The following TINAG variants were observed in gnomAD, a reference collection of about 807,000 sequenced individuals.
TINAG encodes tubulointerstitial nephritis antigen.
In TINAG, 83 loss-of-function variants were observed where a neutral mutation model predicts 72.7. The ratio of observed to expected loss-of-function variants is 1.14; its 90% CI spans 0.96 to 1.37. The LOEUF is 1.37. TINAG is among the 40% of genes most tolerant of loss of function. The pLI, the probability that TINAG is intolerant of heterozygous loss-of-function variation, is 0.00. For synonymous variants in TINAG, 234 were observed against 189.9 expected (o/e 1.23, Z -1.91); for missense variants, 685 against 576.6 (o/e 1.19, Z -1.93).
chr6:54,329,090 C>T (rs914973832), intron 4 of TINAG, among the ~76,000 whole-genome samples: 7 of 152,060 alleles, frequency 4.6e-5, no homozygotes, highest in Non-Finnish European at 1.5e-5. Context: ...CCTACCAAGA[C>T]AGGCCAACAT....
chr6:54,341,860 T>C lies in TINAG; in HGVS notation c.625-1366T>C, dbSNP rs530053984. On this transcript the variant is annotated intron_variant, in intron 4 of 10. Transcript: ENST00000259782. ...TAAGAATTTAGAAGCCTGAGTGTAG[T>C]CCTAGGAGCATTTCTTGTTTAGCTG... is the stretch of plus-strand genomic sequence containing the variant. 4.6e-5 allele frequency among the ~76,000 whole-genome samples: 7 copies of C among 151,912 alleles called. No homozygotes were observed. The East Asian group carries it at 1.4e-3, about 29-fold the overall frequency.
intron 4 of TINAG, among the ~76,000 whole-genome samples, chr6:54,340,801 C>T (rs865921858): frequency 2.2e-4 from 34 of 152,042 alleles, no homozygotes; most frequent in Middle Eastern, 3.4e-3. Context: ...CTTATTGAGA[C>T]GGATTCACCA....
chr6:54,319,300 T>G (rs553942444), intron 1 of TINAG, among the ~76,000 whole-genome samples: 2 of 152,200 alleles, frequency 1.3e-5, no homozygotes, highest in Non-Finnish European at 2.9e-5. Context: ...TTTTAGAATC[T>G]CTTTAAATTA....
chr6:54,369,229 C>T (rs1257931157), intron 9 of TINAG, among the ~76,000 whole-genome samples: 8 of 151,744 alleles, frequency 5.3e-5, no homozygotes, highest in Non-Finnish European at 7.4e-5. Flanking sequence ...AATTCTCACA[C>T]GATTTTTAGA....
At chr6:54,378,748 A>G (rs770235775) in intron 9 of TINAG, among the ~76,000 whole-genome samples, 1 of 152,068 alleles carries the variant, frequency 6.6e-6, no homozygotes, top group Non-Finnish European at 1.5e-5. Flanking sequence ...TCTTCTTTCC[A>G]TGCACCATCC....
At chr6:54,331,805 A>G (rs1300354314) in intron 4 of TINAG, among the ~76,000 whole-genome samples, 2 of 152,152 alleles carry the variant, frequency 1.3e-5, no homozygotes, top group African/African-American at 4.8e-5. Context: ...GCATTCCTAT[A>G]CACCAATAAT....
intron 6 of TINAG, among the ~76,000 whole-genome samples, chr6:54,349,271 C>T (rs1213810218): frequency 6.6e-6 from 1 of 151,684 alleles, no homozygotes; most frequent in Non-Finnish European, 1.5e-5. Flanking sequence ...AAAATAAAAA[C>T]TTTAAAGTTA....
At chr6:54,379,906 T>C (rs1381444208) in intron 9 of TINAG, among the ~76,000 whole-genome samples, 1 of 152,094 alleles carries the variant, frequency 6.6e-6, no homozygotes, top group Non-Finnish European at 1.5e-5. Flanking sequence ...CATTAGGTAT[T>C]TCTCCTAATG....
intron 3 of TINAG, among the ~76,000 whole-genome samples, chr6:54,324,130 G>GT (rs1002935160): frequency 6.6e-6 from 1 of 152,162 alleles, no homozygotes; most frequent in Non-Finnish European, 1.5e-5. Flanking sequence ...ATATATAAGT[G>GT]TTTCAATTAA....
At chr6:54,349,081 A>G (rs1785198585) in intron 6 of TINAG, among the ~76,000 whole-genome samples, 1 of 151,974 alleles carries the variant, frequency 6.6e-6, no homozygotes, top group African/African-American at 2.4e-5. Flanking sequence ...TCAGAAATCA[A>G]AATCATTTTC....
At chr6:54,358,853 AGTAC>A (rs1487461123) in intron 9 of TINAG, among the ~76,000 whole-genome samples, 29 of 151,804 alleles carry the variant, frequency 1.9e-4, no homozygotes, top group African/African-American at 7.0e-4. Flanking sequence ...TCCAGTGGGT[AGTAC>A]GGGAAGGGAT....
At chr6:54,378,458 A>C (rs1763849527) in intron 9 of TINAG, among the ~76,000 whole-genome samples, 1 of 152,162 alleles carries the variant, frequency 6.6e-6, no homozygotes, top group Non-Finnish European at 1.5e-5. Context: ...CTTGAAAAGA[A>C]ACTTACAGCA....
At chr6:54,368,247 CATATA>C (rs575817949) in intron 9 of TINAG, among the ~76,000 whole-genome samples, 117 of 146,572 alleles carry the variant, frequency 8.0e-4, no homozygotes, top group Non-Finnish European at 1.4e-3. Flanking sequence ...TAATATACAA[CATATA>C]ATATATTATA....
Position 54,329,771 on chromosome 6 carries a change from G to T in TINAG, c.624+2855G>T, listed in dbSNP as rs192365218. Among the ~76,000 whole-genome samples, 335 of 152,156 alleles carry T rather than the reference G, an allele frequency of 2.2e-3. 1 individual carries two copies. The highest frequency in any genetic ancestry group is 3.8e-3 in the Non-Finnish European group (255 of 67,990). On this transcript the variant is annotated intron_variant, in intron 4 of 10. Coordinates refer to ENST00000259782, the MANE Select transcript of TINAG (RefSeq NM_014464.4). ...ACACATAGGCTCAAAATAAAGTGAT[G>T]GAGGAATATTTACCAAGTAAATGGA...
At chr6:54,318,586 G>A (rs1784422865) in intron 1 of TINAG, among the ~76,000 whole-genome samples, 1 of 152,140 alleles carries the variant, frequency 6.6e-6, no homozygotes, top group Admixed American at 6.6e-5. Context: ...GCAGAGATTA[G>A]GGTGGAGACA....
intron 9 of TINAG, among the ~76,000 whole-genome samples, chr6:54,362,911 G>A (rs1309522958): frequency 6.6e-6 from 1 of 151,548 alleles, no homozygotes; most frequent in Non-Finnish European, 1.5e-5. Flanking sequence ...AAAACAACTA[G>A]AATTAGAAGT....
rs574425787 is a variant in TINAG at position 54,328,523 on chromosome 6, C to CA, written c.624+1614dup. Among the ~76,000 whole-genome samples, 26 of 152,084 alleles carry CA rather than the reference C, an allele frequency of 1.7e-4. No individual in the cohort carries two copies. The South Asian group carries it at 5.0e-3, about 29-fold the overall frequency. On this transcript the variant is annotated intron_variant, in intron 4 of 10. Coordinates refer to ENST00000259782, the MANE Select transcript of TINAG (RefSeq NM_014464.4). ...TCCACAAGATGAGGAAAAATCAGCA[C>CA]AAAAAAAGCTGAAAATTCCAAAAAC...
At chr6:54,347,691 G>T (rs2150958141) in intron 6 of TINAG, among the ~76,000 whole-genome samples, 174 bp downstream of exon 6, 1 of 152,016 alleles carries the variant, frequency 6.6e-6, no homozygotes, top group South Asian at 2.1e-4. Flanking sequence ...TATCTATTGG[G>T]ATTAGAAGCT....
intron 10 of TINAG, among the ~76,000 whole-genome samples, chr6:54,389,391 T>A: frequency 6.6e-6 from 1 of 152,204 alleles, no homozygotes; most frequent in East Asian, 1.9e-4. Context: ...ATGTTGGTCA[T>A]TCTTCATTAG....
Sources: allele counts gnomAD v4.1 joint callset (sites outside exome capture counted in the v4.1 genomes callset), GRCh38; gene constraint gnomAD v4.1.1; transcripts MANE v1.5; gene names NCBI Gene and HGNC (gene_info 2026-07-23, HGNC 2026-07-21).